The following DCUN1D4 variants were observed in gnomAD, a reference collection of about 807,000 sequenced individuals.
DCUN1D4 encodes the protein defective in cullin neddylation 1 domain containing 4.
A neutral mutation model predicts 47.9 loss-of-function variants in DCUN1D4; 22 were observed. The observed-to-expected ratio is 0.46, with a 90% CI of 0.33 to 0.66. The LOEUF (loss-of-function observed/expected upper bound fraction) is 0.66, where lower values mean the gene tolerates loss of function less well. Among genes scored for constraint, DCUN1D4 ranks in the 30% least tolerant of loss-of-function variants. The pLI, the probability that DCUN1D4 is intolerant of heterozygous loss-of-function variation, is 0.02. For missense variants in DCUN1D4, 301 were observed against 340.8 expected, an observed-to-expected ratio of 0.88 and a Z score of 0.92; for synonymous variants, 121 against 112.2, an observed-to-expected ratio of 1.08 and a Z score of -0.50.
chr4:51,851,044 C>G (rs1487578839), intron 1 of DCUN1D4, among the ~76,000 whole-genome samples: 1 of 152,174 alleles, frequency 6.6e-6, no homozygotes, highest in Non-Finnish European at 1.5e-5. Flanking sequence ...TTGATGCTTA[C>G]AATTACTGTG....
At chr4:51,907,753 A>T (rs1268450254) in intron 8 of DCUN1D4, among the ~76,000 whole-genome samples, 1 of 152,194 alleles carries the variant, frequency 6.6e-6, no homozygotes, top group Non-Finnish European at 1.5e-5. Flanking sequence ...TTGGAAATAC[A>T]TCTTTTGAAA....
intron 4 of DCUN1D4, 46 bp from the exon 5 acceptor site, chr4:51,877,717 A>G: frequency 4.2e-6 from 5 of 1,182,974 alleles, no homozygotes; most frequent in Non-Finnish European, 6.2e-6. Context: ...TACTTTAAAG[A>G]ACTCAGTATC....
chr4:51,873,499 C>G (rs1727216587), intron 3 of DCUN1D4, among the ~76,000 whole-genome samples: 1 of 152,212 alleles, frequency 6.6e-6, no homozygotes, highest in East Asian at 1.9e-4. Flanking sequence ...CTCCCTCCGC[C>G]TCCGTTTTCT....
chr4:51,912,551 G>C (rs1430104837), intron 9 of DCUN1D4, among the ~76,000 whole-genome samples: 1 of 152,042 alleles, frequency 6.6e-6, no homozygotes, highest in Admixed American at 6.6e-5. Context: ...TGATTTTAGT[G>C]GGGAAGATTT....
intron 3 of DCUN1D4, among the ~76,000 whole-genome samples, chr4:51,866,764 A>G (rs1029866690): frequency 2.6e-5 from 4 of 152,264 alleles, no homozygotes; most frequent in African/African-American, 4.8e-5. Flanking sequence ...AAACGAAAGT[A>G]TACTTGGACT....
chr4:51,859,050 T>G (rs1159061406), intron 1 of DCUN1D4, among the ~76,000 whole-genome samples: 1 of 152,348 alleles, frequency 6.6e-6, no homozygotes, highest in Admixed American at 6.5e-5. Flanking sequence ...AGATGAACTT[T>G]AGAATCAATC....
chr4:51,882,195 A>G (rs1022651522), intron 5 of DCUN1D4, among the ~76,000 whole-genome samples: 1 of 152,266 alleles, frequency 6.6e-6, no homozygotes, highest in Non-Finnish European at 1.5e-5. Flanking sequence ...TTGGGAAAAA[A>G]GAAAAAGCAT....
chr4:51,840,213 A>G (rs1721595731), upstream of DCUN1D4, among the ~76,000 whole-genome samples: 1 of 152,190 alleles, frequency 6.6e-6, no homozygotes, highest in South Asian at 2.1e-4. Context: ...TTATTATCTC[A>G]GTAAACCTCT....
chr4:51,876,682 G>A (rs1457056841), intron 4 of DCUN1D4, among the ~76,000 whole-genome samples: 1 of 151,988 alleles, frequency 6.6e-6, no homozygotes, highest in African/African-American at 2.4e-5. Flanking sequence ...TACTATTGAG[G>A]GATGTGAAAC....
At chr4:51,880,522 C>A (rs1195858985) in intron 5 of DCUN1D4, among the ~76,000 whole-genome samples, 1 of 152,190 alleles carries the variant, frequency 6.6e-6, no homozygotes, top group Non-Finnish European at 1.5e-5. Context: ...CTTTCCGTGG[C>A]TCCTGAGGCC....
chr4:51,911,230 A>T (rs989507434), intron 9 of DCUN1D4, 56 bp downstream of exon 9: 13 of 1,459,816 alleles, frequency 8.9e-6, no homozygotes, highest in Non-Finnish European at 4.8e-6. Flanking sequence ...CTACCAAATA[A>T]CTTTATTCAC....
At chr4:51,880,830 A>G (rs531635048) in intron 5 of DCUN1D4, among the ~76,000 whole-genome samples, 1 of 152,198 alleles carries the variant, frequency 6.6e-6, no homozygotes, top group South Asian at 2.1e-4. Flanking sequence ...ATTTTGTTTC[A>G]TTAGAATGAA....
chr4:51,838,542 C>T (rs1347710982), upstream of DCUN1D4, among the ~76,000 whole-genome samples: 7 of 152,134 alleles, frequency 4.6e-5, no homozygotes, highest in African/African-American at 1.7e-4. Context: ...CCACCACACC[C>T]AGATAATTTT....
intron 7 of DCUN1D4, among the ~76,000 whole-genome samples, chr4:51,897,650 T>C (rs974794521): frequency 1.6e-4 from 24 of 152,068 alleles, no homozygotes; most frequent in African/African-American, 5.1e-4. Context: ...CAGGTTATTA[T>C]CACCAAGGCT....
intron 8 of DCUN1D4, among the ~76,000 whole-genome samples, chr4:51,900,997 T>G (rs1299694839): frequency 6.6e-6 from 1 of 152,150 alleles, no homozygotes; most frequent in African/African-American, 2.4e-5. Flanking sequence ...TCATGAGTGC[T>G]CTTTGGCCAC....
At chr4:51,875,007 A>G (rs1170283949) in intron 4 of DCUN1D4, 3 of 152,222 alleles carry the variant, frequency 2.0e-5, no homozygotes, top group African/African-American at 2.4e-5. Flanking sequence ...ACAACAAACG[A>G]ACATCATTGT....
At chr4:51,888,784 A>G (rs1277653599) in intron 6 of DCUN1D4, among the ~76,000 whole-genome samples, 1 of 150,966 alleles carries the variant, frequency 6.6e-6, no homozygotes, top group Non-Finnish European at 1.5e-5. Flanking sequence ...AAAATTTATA[A>G]TCATATTAAA....
chr4:51,841,195 G>A (rs563826043), upstream of DCUN1D4, among the ~76,000 whole-genome samples: 1 of 151,756 alleles, frequency 6.6e-6, no homozygotes, highest in African/African-American at 2.4e-5. Flanking sequence ...CCTTTTCTGT[G>A]CAAAATAACA....
rs1734292142 is a variant in DCUN1D4 at position 51,916,023 on chromosome 4, C to T, written c.*2439C>T. 6.6e-6 allele frequency: 1 copy of T among 152,042 alleles called. No homozygotes were observed. The highest frequency in any genetic ancestry group is 1.5e-5 in the Non-Finnish European group (1 of 67,974). The allele number at this position is 152,042 out of a possible 1,614,324, so 9.4% of individuals were successfully genotyped here. ...AGGGGTCAGACAGAGTAATATGATA[C>T]ATTTTCTTAAAAACTTCTCTAAGTT... On this transcript the variant is annotated 3_prime_UTR_variant, in exon 11 of 11. Coordinates refer to ENST00000334635, the MANE Select transcript of DCUN1D4 (RefSeq NM_001040402.3).
Sources: gnomAD v4.1 joint callset for allele counts (sites outside exome capture counted in the v4.1 genomes callset) on GRCh38, gnomAD v4.1.1 for gene constraint, MANE v1.5 for transcripts, NCBI Gene and HGNC (gene_info 2026-07-23, HGNC 2026-07-21) for gene names.